The following C16orf46 variants were observed in gnomAD, a reference collection of about 807,000 sequenced individuals.
C16orf46 encodes chromosome 16 open reading frame 46.
Under a neutral mutation model 5.5 loss-of-function variants are expected in C16orf46, and 7 were observed. That is an observed-to-expected ratio of 1.28 (90% confidence interval 0.73 to 2.40). C16orf46 has a LOEUF of 2.40. Ranked by LOEUF, C16orf46 falls within the 30% of genes most tolerant of loss-of-function variation. The pLI is 0.00. For missense variants in C16orf46, 614 were observed against 476.0 expected, an observed-to-expected ratio of 1.29 and a Z score of -2.70; for synonymous variants, 200 against 184.1, an observed-to-expected ratio of 1.09 and a Z score of -0.70.
chr16:81,063,419 A>G (rs1189409272), intron 3 of C16orf46, among the ~76,000 whole-genome samples: 1 of 152,116 alleles, frequency 6.6e-6, no homozygotes, highest in African/African-American at 2.4e-5. Context: ...GATCTCGAGC[A>G]TGTAACTTTA....
intron 2 of C16orf46, among the ~76,000 whole-genome samples, chr16:81,065,293 G>A (rs1271319165): frequency 6.6e-6 from 1 of 152,166 alleles, no homozygotes; most frequent in Non-Finnish European, 1.5e-5. Flanking sequence ...CCAACATGGT[G>A]AAACCCTATC....
chr16:81,074,604 C>T (rs572565188), intron 1 of C16orf46, among the ~76,000 whole-genome samples: 1 of 152,136 alleles, frequency 6.6e-6, no homozygotes, highest in Admixed American at 6.5e-5. Flanking sequence ...AGGATGGTCT[C>T]GATCTCTTGA....
rs529021063 is a variant in C16orf46, at chr16:81,061,822, G to A, written c.527C>T (p.Ala176Val). The A allele has an allele frequency of 1.2e-5, 20 of 1,614,140 alleles. No individual in the cohort carries two copies. The highest frequency in any genetic ancestry group is 1.6e-4 in the Middle Eastern group (1 of 6,062). Residue 176 changes from alanine (A) to valine (V), a missense_variant, in exon 4 of 4, where the codon GCC becomes GTC. By Grantham distance (64) the Ala-to-Val change is moderately conservative. Transcript: ENST00000299578. ...CTTGCCCCTATTAGTGCCGGGGATG[G>A]CCCAGTCTTTGTTGCACCAAATAAA... ...KEFIWCNKDWAIPGTNRGKAS... is the reference protein window; with the variant it reads ...KEFIWCNKDWVIPGTNRGKAS...
chr16:81,068,670 G>T (rs549368077), intron 1 of C16orf46, among the ~76,000 whole-genome samples: 1 of 151,098 alleles, frequency 6.6e-6, no homozygotes, highest in East Asian at 2.0e-4. Context: ...AAAGTGCTGG[G>T]ATTACAGGCA....
At chr16:81,054,767 G>A (rs991383367) in intron 3 of C16orf46, among the ~76,000 whole-genome samples, 1 of 151,846 alleles carries the variant, frequency 6.6e-6, no homozygotes, top group African/African-American at 2.4e-5. Context: ...TTATGCCTCC[G>A]CCGCCTGAGT....
chr16:81,076,576 G>A (rs1025112813), intron 1 of C16orf46: 1 of 152,208 alleles, frequency 6.6e-6, no homozygotes, highest in African/African-American at 2.4e-5. Flanking sequence ...ACCTAGCACT[G>A]AGAATAAAAA....
intron 1 of C16orf46, among the ~76,000 whole-genome samples, chr16:81,075,768 C>G (rs541482083): frequency 6.6e-6 from 1 of 152,242 alleles, no homozygotes; most frequent in South Asian, 2.1e-4. Flanking sequence ...AGTCAGATTA[C>G]AAATATCTTA....
downstream of C16orf46, among the ~76,000 whole-genome samples, chr16:81,057,182 G>C (rs1205797610): frequency 1.3e-5 from 2 of 152,096 alleles, no homozygotes; most frequent in African/African-American, 4.8e-5. Flanking sequence ...GTGATGGGGT[G>C]GCTTTGAGCA....
Position 81,063,941 on chromosome 16 carries a change from C to T in C16orf46, c.15G>A (p.Gln5=). 1 of 1,612,402 alleles carries T rather than the reference C, an allele frequency of 6.2e-7. No individual in the cohort carries two copies. Among genetic ancestry groups the T allele is most frequent in the South Asian group, 1.1e-5 (1 of 90,956 alleles). Reference sequence around the variant, plus strand: ...CATTTTCTAAGTCAGTCTCATTTTTCTGACAGAGATCCATTACTGTGATGC... The same window carrying T: ...CATTTTCTAAGTCAGTCTCATTTTTTTGACAGAGATCCATTACTGTGATGC... MDLC[Q]KNETDLENAE... The change falls in exon 3 of 4, where the codon CAG becomes CAA. Residue 5 remains glutamine, a synonymous_variant. Transcript: ENST00000299578.
intron 1 of C16orf46, among the ~76,000 whole-genome samples, chr16:81,069,703 C>T (rs1971779706): frequency 6.6e-6 from 1 of 152,218 alleles, no homozygotes; most frequent in African/African-American, 2.4e-5. Flanking sequence ...GTGAATGTCA[C>T]TACCTAAAAT....
intron 3 of C16orf46, among the ~76,000 whole-genome samples, chr16:81,063,523 T>C (rs1431535656): frequency 6.6e-6 from 1 of 152,200 alleles, no homozygotes; most frequent in Admixed American, 6.5e-5. Context: ...AATTAATGTA[T>C]CCAAAGTACT....
At chr16:81,072,100 T>G (rs1971875140) in intron 1 of C16orf46, 1 of 152,242 alleles carries the variant, frequency 6.6e-6, no homozygotes. Context: ...GAAGCCTAGA[T>G]TTTGACTCAC....
downstream of C16orf46, among the ~76,000 whole-genome samples, chr16:81,057,500 G>C (rs978355527): frequency 2.2e-5 from 3 of 137,852 alleles, no homozygotes; most frequent in Non-Finnish European, 4.5e-5. Flanking sequence ...AGTGAGTTGA[G>C]ATCATGCCAG....
chr16:81,053,852 G>A (rs1420767841), exon 4 of C16orf46: 7 of 499,726 alleles, frequency 1.4e-5, no homozygotes, highest in East Asian at 5.9e-5. Context: ...TTTGGGGGCC[G>A]GGTTGGGGAG....
intron 3 of C16orf46, chr16:81,055,194 G>A (rs2151745251): frequency 6.6e-6 from 1 of 152,120 alleles, no homozygotes; most frequent in Non-Finnish European, 1.5e-5. Context: ...ATTCCATATC[G>A]GATTTATCTT....
chr16:81,074,988 G>A (rs887924639), intron 1 of C16orf46, among the ~76,000 whole-genome samples: 1 of 152,178 alleles, frequency 6.6e-6, no homozygotes, highest in Non-Finnish European at 1.5e-5. Context: ...TTAATTTGAT[G>A]AGGATGCCTT....
At chr16:81,055,494 G>C (rs1378099138) in intron 3 of C16orf46, 2 of 149,514 alleles carry the variant, frequency 1.3e-5, no homozygotes, top group African/African-American at 2.5e-5. Context: ...AAGAGTTCGA[G>C]ACCAACCTGG....
intron 1 of C16orf46, among the ~76,000 whole-genome samples, chr16:81,068,993 C>G (rs116169414): frequency 6.6e-6 from 1 of 152,100 alleles, no homozygotes; most frequent in Non-Finnish European, 1.5e-5. Context: ...CGTAAGCCAC[C>G]GTGCCTGGCC....
At chr16:81,056,380 C>T (rs1218689140), downstream of C16orf46, 1 of 152,166 alleles carries the variant, frequency 6.6e-6, no homozygotes, top group Non-Finnish European at 1.5e-5. Flanking sequence ...CCTCCTGTTA[C>T]TCTGAGAGAC....
Sources: gnomAD v4.1 joint callset for allele counts (sites outside exome capture counted in the v4.1 genomes callset) on GRCh38, gnomAD v4.1.1 for gene constraint, MANE v1.5 for transcripts, NCBI Gene and HGNC (gene_info 2026-07-23, HGNC 2026-07-21) for gene names.